The following RNF213 variants were observed in gnomAD, a reference collection of about 807,000 sequenced individuals.
RNF213 encodes the protein E3 ubiquitin-protein ligase RNF213.
A neutral mutation model predicts 514.4 loss-of-function variants in RNF213; 341 were observed. That is an observed-to-expected ratio of 0.66 (90% confidence interval 0.61 to 0.73). RNF213 has a LOEUF of 0.73. Ranked by LOEUF, RNF213 falls within the 30% of genes least tolerant of loss-of-function variation. The pLI is 0.00. For synonymous variants in RNF213, 2,655 were observed against 2,658.2 expected, an observed-to-expected ratio of 1.00 and a Z score of 0.04; for missense variants, 5,767 against 6,615.6, an observed-to-expected ratio of 0.87 and a Z score of 4.45.
intron 54 of RNF213, among the ~76,000 whole-genome samples, chr17:80,378,338 T>C (rs1944425682): frequency 6.6e-6 from 1 of 152,142 alleles, no homozygotes; most frequent in African/African-American, 2.4e-5. Flanking sequence ...GGGGAAGAAC[T>C]GTTGATTATT....
Position 80,377,655 on chromosome 17 carries a change from T to C in RNF213, c.13511-107T>C, listed in dbSNP as rs897495791. The C allele has an allele frequency of 1.8e-5, 22 of 1,200,058 alleles. No homozygotes were observed. In the African/African-American group the frequency reaches 3.3e-4, roughly 18 times the overall value. The allele number at this position is 1,200,058 out of a possible 1,614,324, so 74.3% of individuals were successfully genotyped here. ...AGCGTGGGATGCTCTGGACAGTCAT[T>C]CTCATATTGTGGTCAGGGCCAGAGA... On this transcript the variant is annotated intron_variant, in intron 53 of 67. Coordinates refer to ENST00000582970, the MANE Select transcript of RNF213 (RefSeq NM_001256071.3). The surrounding 1 kb of genome is among the most constrained non-coding windows in gnomAD (Gnocchi z 4.1).
Position 80,298,853 on chromosome 17 carries a change from C to T in RNF213, c.2210+335C>T, listed in dbSNP as rs888916146. ...AATTAGCCAGGTGTGGTGGCATGTG[C>T]TTGTAATCCCAGCTACTCTGGAGGC... On this transcript the variant is annotated intron_variant, in intron 11 of 67. Transcript: ENST00000582970. 5 of 319,428 alleles carry T rather than the reference C, an allele frequency of 1.6e-5. No homozygotes were observed. The East Asian group carries it at 3.3e-4, about 21-fold the overall frequency. 19.8% of individuals were successfully genotyped at this position (319,428 alleles called of 1,614,324 possible). A position where few individuals can be genotyped will look rare whatever the true frequency, so the allele number is the denominator to read the frequency against.
In RNF213 at chr17:80,339,644, A is replaced by C; in HGVS notation, c.5277A>C (p.Arg1759Ser). ...GSEAARYRMR[R>S]VMEELPLMLL... ...AGGCCGCCAGGTACCGCATGAGGAG[A>C]GTCATGGAAGAGCTCCCGCTGATGC... The change falls in exon 26 of 68, where the codon AGA (arginine) becomes AGC (serine). Residue 1759 changes from arginine (R) to serine (S), a missense_variant. This residue lies in a region of RNF213 where 1,377 missense variants were observed against 1,635.2 expected (regional missense o/e 0.84). Transcript: ENST00000582970. 1 of 1,537,014 alleles carries C rather than the reference A, an allele frequency of 6.5e-7. No individual in the cohort carries two copies. Among genetic ancestry groups the C allele is most frequent in the Non-Finnish European group, 8.7e-7 (1 of 1,146,842 alleles).
intron 14 of RNF213, among the ~76,000 whole-genome samples, chr17:80,310,295 C>T (rs112002385): frequency 6.6e-6 from 1 of 152,152 alleles, no homozygotes; most frequent in Non-Finnish European, 1.5e-5. Flanking sequence ...TCTTGTTGCC[C>T]AGGCTGGAGT....
chr17:80,281,590 G>GACTCACACACCCC (rs2044296140), intron 3 of RNF213, among the ~76,000 whole-genome samples: 9 of 32,320 alleles, frequency 2.8e-4, no homozygotes, highest in South Asian at 1.2e-3. Context: ...CTCACACACT[G>GACTCACACACCCC]CCAACACACA....
intron 22 of RNF213, among the ~76,000 whole-genome samples, chr17:80,335,373 C>T (rs1386712515): frequency 6.6e-6 from 1 of 152,138 alleles, no homozygotes; most frequent in Non-Finnish European, 1.5e-5. Context: ...TGCAGGTGTG[C>T]TCGGGGGTCT....
intron 54 of RNF213, among the ~76,000 whole-genome samples, chr17:80,378,804 C>A (rs1421648939): frequency 6.6e-6 from 1 of 152,178 alleles, no homozygotes; most frequent in Non-Finnish European, 1.5e-5. Context: ...CCGTGACTCT[C>A]AGTATATTGT....
rs1225369476 is a variant in RNF213, at chr17:80,376,325, A to T, written c.13210A>T (p.Ile4404Phe). 2 of 1,614,214 alleles carry T rather than the reference A, an allele frequency of 1.2e-6. No homozygotes were observed. Among genetic ancestry groups the T allele is most frequent in the Non-Finnish European group, 1.7e-6 (2 of 1,180,032 alleles). Residue 4404 changes from isoleucine to phenylalanine, a missense_variant, in exon 52 of 68, where the codon ATT becomes TTT. Ile to Phe is a conservative substitution (Grantham distance 21). This residue lies in a region of RNF213 where 1,245 missense variants were observed against 1,339.0 expected (regional missense o/e 0.93). Coordinates refer to ENST00000582970, the MANE Select transcript of RNF213 (RefSeq NM_001256071.3). The stretch of plus-strand genomic sequence containing the variant: ...GCAATGTGAAGCTGTGAGCAAATTC[A>T]TTGGCGAATGCAAGATCCTTTCACC... ...PEQCEAVSKF[I>F]GECKILSPPD...
chr17:80,282,463 A>G (rs552043107), intron 3 of RNF213, among the ~76,000 whole-genome samples: 5 of 152,238 alleles, frequency 3.3e-5, no homozygotes, highest in East Asian at 1.9e-4. Flanking sequence ...CAGTGGCACA[A>G]TCTCGGCTCA....
At position 80,332,624 on chromosome 17, in the gene RNF213, T is replaced by C; in HGVS notation, c.4136T>C (p.Leu1379Pro). The C allele has an allele frequency of 6.7e-7, 1 of 1,486,926 alleles. No individual in the cohort carries two copies. The highest frequency in any genetic ancestry group is 2.5e-5 in the East Asian group (1 of 40,476). The allele number at this position is 1,486,926 out of a possible 1,614,324, so 92.1% of individuals were successfully genotyped here. A position where few individuals can be genotyped will look rare whatever the true frequency, so the allele number is the denominator to read the frequency against. The change falls in exon 21 of 68, where the codon CTA (leucine) becomes CCA (proline). Residue 1379 changes from leucine (L) to proline (P), a missense_variant. By Grantham distance (98) the Leu-to-Pro change is moderately conservative (BLOSUM62 -3). Transcript: ENST00000582970. ...NGDFSVLNTL[L>P]NFTDNFDDFR... ...GACTTCAGTGTTCTCAACACTTTAC[T>C]AAATTTTGTAAGTTATTTGCTGGGG...
In RNF213 at chr17:80,290,725, C is replaced by G; in HGVS notation, c.1268C>G (p.Thr423Ser). The G allele has an allele frequency of 1.9e-6, 3 of 1,614,130 alleles. No homozygotes were observed. Among genetic ancestry groups the G allele is most frequent in the South Asian group, 1.1e-5 (1 of 91,084 alleles). Residue 423 changes from threonine (T) to serine (S), a missense_variant, in exon 7 of 68, where the codon ACC (threonine) becomes AGC (serine). Physicochemically the swap from Thr to Ser is moderately conservative, Grantham distance 58. Coordinates refer to ENST00000582970, the MANE Select transcript of RNF213 (RefSeq NM_001256071.3). Reference protein sequence around the residue: ...WDSNICELHYTRDLGHDRVLV... With the variant: ...WDSNICELHYSRDLGHDRVLV... ...AGCAATATCTGTGAGCTGCACTACA[C>G]CAGGTGAGCGTGTCTGTAGGCTTGG...
At position 80,389,202 on chromosome 17, in the gene RNF213, C is replaced by T; in HGVS notation, c.15030C>T (p.Ala5010=). The T allele has an allele frequency of 1.2e-6, 2 of 1,614,140 alleles. No homozygotes were observed. The highest frequency in any genetic ancestry group is 1.7e-6 in the Non-Finnish European group (2 of 1,179,980). The part of the protein sequence containing the change: ...QDSLPSSVIS[A]ISGQLQSYSD... Reference sequence around the variant, plus strand: ...CCCTCCCCAGCTCGGTCATTAGTGCCATCAGTGGACAGCTGCAGTCCTACA... The same window carrying T: ...CCCTCCCCAGCTCGGTCATTAGTGCTATCAGTGGACAGCTGCAGTCCTACA... The change falls in exon 65 of 68, where the codon GCC becomes GCT. Residue 5010 remains alanine, a synonymous_variant. Transcript: ENST00000582970.
chr17:80,376,757 C>T, intron 52 of RNF213, 125 bp from the exon 53 acceptor site: 1 of 1,120,712 alleles, frequency 8.9e-7, no homozygotes, highest in Non-Finnish European at 1.3e-6. Flanking sequence ...TCTTCACAGA[C>T]AGCTTGAGAA....
At chr17:80,278,849 GA>G (rs1568003086) in intron 3 of RNF213, 1 of 1,537,240 alleles carries the variant, frequency 6.5e-7, no homozygotes, top group South Asian at 1.2e-5. Flanking sequence ...CCCAGCAAGA[GA>G]AGGAAGCAGG....
Position 80,287,981 on chromosome 17 carries a change from C to G in RNF213, c.428C>G (p.Pro143Arg), listed in dbSNP as rs1346230977. ...CACAGCCAAGCCCAGCAGAGTGGCC[C>G]CACTGGCCAGCCGAGCCAGCCCCCA... Reference protein sequence around the residue: ...LPHSQAQQSGPTGQPSQPPGT... With the variant: ...LPHSQAQQSGRTGQPSQPPGT... The change falls in exon 4 of 68, where the codon CCC (proline) becomes CGC (arginine). Residue 143 changes from proline (P) to arginine (R), a missense_variant. Transcript: ENST00000582970. 6.3e-7 allele frequency: 1 copy of G among 1,577,942 alleles called. No homozygotes were observed. Among genetic ancestry groups the G allele is most frequent in the Admixed American group, 1.9e-5 (1 of 53,110 alleles).
chr17:80,389,058 A>G (rs768045200), intron 64 of RNF213, 115 bp from the exon 65 acceptor site: 11 of 986,284 alleles, frequency 1.1e-5, no homozygotes, highest in African/African-American at 1.6e-5. Context: ...CAGCTGTTAG[A>G]GAGTTGGCCC....
chr17:80,360,957 C>T (rs1158080817), intron 38 of RNF213, among the ~76,000 whole-genome samples: 1 of 152,028 alleles, frequency 6.6e-6, no homozygotes, highest in Non-Finnish European at 1.5e-5. Context: ...TTTTCTATGA[C>T]AGCATGCGAA....
chr17:80,387,367 A>G (rs535483506), intron 63 of RNF213, among the ~76,000 whole-genome samples: 39 of 152,278 alleles, frequency 2.6e-4, no homozygotes, highest in African/African-American at 9.1e-4. Context: ...AGGCCTCCCA[A>G]AGTGCTGGGA....
Position 80,346,025 on chromosome 17 carries a change from C to A in RNF213, c.7690C>A (p.Leu2564Met). The A allele has an allele frequency of 6.2e-7, 1 of 1,614,172 alleles. No individual in the cohort carries two copies. The highest frequency in any genetic ancestry group is 8.5e-7 in the Non-Finnish European group (1 of 1,180,040). Reference protein sequence around the residue: ...DRLGSIPLRQLVYRVHALPPS... With the variant: ...DRLGSIPLRQMVYRVHALPPS... ...GCTGGGCTCCATTCCTCTGAGGCAG[C>A]TGGTATACCGGGTCCATGCTCTGCC... The change falls in exon 29 of 68, where the codon CTG (leucine) becomes ATG (methionine). Residue 2564 changes from leucine to methionine, a missense_variant. Transcript: ENST00000582970. This position sits in a 1 kb window ranked among gnomAD's most constrained non-coding sequence, Gnocchi z 8.1.
Sources: gnomAD v4.1 joint callset for allele counts (sites outside exome capture counted in the v4.1 genomes callset) on GRCh38, gnomAD v4.1.1 for gene constraint, gnomAD v4.1.1 regional missense constraint, Gnocchi (gnomAD v3.1) non-coding constraint, MANE v1.5 for transcripts, NCBI Gene and HGNC (gene_info 2026-07-23, HGNC 2026-07-21) for gene names.